Variants in LDLRAD4 observed in about 807,000 individuals in gnomAD.
The protein encoded by LDLRAD4 is low-density lipoprotein receptor class A domain-containing protein 4.
Under a neutral mutation model 17.0 loss-of-function variants are expected in LDLRAD4, and 5 were observed. The observed-to-expected ratio is 0.29, with a 90% CI of 0.15 to 0.62. LDLRAD4 has a LOEUF of 0.62. LDLRAD4 is among the 20% of genes least tolerant of loss of function. The pLI is 0.84. For missense variants in LDLRAD4, 340 were observed against 424.7 expected (o/e 0.80, Z 1.75); for synonymous variants, 168 against 171.8 (o/e 0.98, Z 0.17).
At chr18:13,377,755 C>A (rs1186801697) in intron 1 of LDLRAD4, among the ~76,000 whole-genome samples, 1 of 152,146 alleles carries the variant, frequency 6.6e-6, no homozygotes, top group East Asian at 1.9e-4. Context: ...GCTTCGCGAG[C>A]GTGACCCGCC....
intron 1 of LDLRAD4, among the ~76,000 whole-genome samples, chr18:13,378,637 G>A (rs17608293): frequency 0.28 from 42,647 of 151,960 alleles, 7,243 homozygotes; most frequent in Non-Finnish European, 0.38. Context: ...AATATCAAGA[G>A]CCTCTATCTT....
chr18:13,313,417 C>A (rs184388660), intron 1 of LDLRAD4, among the ~76,000 whole-genome samples: 1 of 152,146 alleles, frequency 6.6e-6, no homozygotes. Context: ...GCTGTGTAGA[C>A]AAGGGCTTCA....
exon 6 of LDLRAD4, chr18:13,652,511 C>T (rs1360280989): frequency 2.6e-5 from 4 of 152,590 alleles, no homozygotes; most frequent in Admixed American, 6.5e-5. Flanking sequence ...AACAAACATT[C>T]GTGCTTACTT....
chr18:13,340,845 A>G (rs896887082), intron 1 of LDLRAD4, among the ~76,000 whole-genome samples: 1 of 151,962 alleles, frequency 6.6e-6, no homozygotes, highest in Non-Finnish European at 1.5e-5. Flanking sequence ...TTTTTTCCTA[A>G]GAGTTTTATA....
chr18:13,256,701 G>C (rs1331060162), intron 1 of LDLRAD4, among the ~76,000 whole-genome samples: 1 of 152,174 alleles, frequency 6.6e-6, no homozygotes, highest in African/African-American at 2.4e-5. Context: ...TTTCCATAGA[G>C]AGCCCTTTGA....
intron 3 of LDLRAD4, among the ~76,000 whole-genome samples, chr18:13,481,564 T>C (rs976361439): frequency 6.6e-6 from 1 of 152,158 alleles, no homozygotes; most frequent in African/African-American, 2.4e-5. Context: ...TGGGCCCCTG[T>C]TGTCACTGTT....
intron 1 of LDLRAD4, among the ~76,000 whole-genome samples, chr18:13,375,279 GCCAGTCATT>G (rs1405640242): frequency 6.6e-6 from 1 of 152,230 alleles, no homozygotes; most frequent in African/African-American, 2.4e-5. Context: ...CCTTGAAAAT[GCCAGTCATT>G]CCCTTTTCCT....
intron 3 of LDLRAD4, among the ~76,000 whole-genome samples, chr18:13,571,216 A>T (rs1373449383): frequency 6.6e-6 from 1 of 152,198 alleles, no homozygotes; most frequent in Non-Finnish European, 1.5e-5. Flanking sequence ...AGAAAAGCAG[A>T]TGTTTCCATT....
intron 3 of LDLRAD4, among the ~76,000 whole-genome samples, chr18:13,493,818 C>T (rs1337133781): frequency 2.0e-5 from 3 of 152,214 alleles, no homozygotes; most frequent in South Asian, 2.1e-4. Flanking sequence ...AAAGCCCAGC[C>T]GTGCCGTCCC....
At chr18:13,500,996 C>T (rs1208583202) in intron 3 of LDLRAD4, 1 of 145,556 alleles carries the variant, frequency 6.9e-6, no homozygotes, top group Non-Finnish European at 1.5e-5. Context: ...CCGCCCCAAA[C>T]CCATTGTCAC....
intron 3 of LDLRAD4, among the ~76,000 whole-genome samples, chr18:13,584,184 A>G (rs2094904715): frequency 6.6e-6 from 1 of 152,160 alleles, no homozygotes; most frequent in South Asian, 2.1e-4. Context: ...CTGGACTCCA[A>G]TTGCTTAGGG....
intron 3 of LDLRAD4, among the ~76,000 whole-genome samples, chr18:13,549,141 CATT>C (rs1427663753): frequency 2.0e-5 from 3 of 152,116 alleles, no homozygotes; most frequent in African/African-American, 7.2e-5. Flanking sequence ...GTTGAGATGG[CATT>C]ATGATGTTTC....
chr18:13,583,662 G>A (rs1271445042), intron 3 of LDLRAD4, among the ~76,000 whole-genome samples: 2 of 152,178 alleles, frequency 1.3e-5, no homozygotes, highest in African/African-American at 4.8e-5. Context: ...GAGTAAAAGA[G>A]GCTCGGTGGC....
intron 1 of LDLRAD4, among the ~76,000 whole-genome samples, chr18:13,328,703 C>A (rs918675690): frequency 3.9e-5 from 6 of 152,078 alleles, no homozygotes; most frequent in Non-Finnish European, 7.4e-5. Flanking sequence ...TTCATTTATA[C>A]CTTTAATTTT....
intron 1 of LDLRAD4, among the ~76,000 whole-genome samples, chr18:13,253,007 G>A (rs548803027): frequency 2.6e-5 from 4 of 152,344 alleles, no homozygotes; most frequent in Admixed American, 2.6e-4. Flanking sequence ...GGAAACCGGG[G>A]CACTGGGGGT....
At chr18:13,549,678 CAA>C (rs2094410151) in intron 3 of LDLRAD4, among the ~76,000 whole-genome samples, 1 of 151,756 alleles carries the variant, frequency 6.6e-6, no homozygotes, top group South Asian at 2.1e-4. Context: ...AGAGAACAGA[CAA>C]AGAGTTAAAA....
In LDLRAD4 at chr18:13,449,244, G is replaced by A. The variant is rs188189936; in HGVS notation, c.181+10860G>A. Among the ~76,000 whole-genome samples the A allele has an allele frequency of 2.0e-5, 3 of 152,330 alleles. No individual in the cohort carries two copies. The East Asian group carries it at 5.8e-4, about 29-fold the overall frequency. On this transcript the variant is annotated intron_variant, in intron 3 of 5. Transcript: ENST00000359446. ...CCGTGGTCCTCCGGAAGGTCCAGCT[G>A]TCCTTAGAGGGGCACCTTCTTGCCC...
chr18:13,497,279 C>T (rs2093489595), intron 3 of LDLRAD4, among the ~76,000 whole-genome samples: 2 of 152,206 alleles, frequency 1.3e-5, no homozygotes, highest in South Asian at 4.1e-4. Context: ...TGGGCTCAAG[C>T]AATCCTCCTG....
Position 13,645,581 on chromosome 18 carries a change from A to T in LDLRAD4, c.845A>T (p.Gln282Leu). Residue 282 changes from glutamine to leucine, a missense_variant, in exon 6 of 6, where the codon CAG becomes CTG. By Grantham distance (113) the Gln-to-Leu change is moderately radical. Transcript: ENST00000359446. The surrounding 1 kb of genome is among the most constrained non-coding windows in gnomAD (Gnocchi z 5.7). ...AACGCACACAGGGGCAGCAGACTGC[A>T]GTTTCAGCAGAACAATGCAGAGAGC... 6.3e-7 allele frequency: 1 copy of T among 1,597,780 alleles called. No individual in the cohort carries two copies. The highest frequency in any genetic ancestry group is 8.5e-7 in the Non-Finnish European group (1 of 1,172,672).
Sources: allele counts gnomAD v4.1 joint callset (sites outside exome capture counted in the v4.1 genomes callset), GRCh38; gene constraint gnomAD v4.1.1; non-coding constraint Gnocchi (gnomAD v3.1); transcripts MANE v1.5; gene names NCBI Gene and HGNC (gene_info 2026-07-23, HGNC 2026-07-21).